IPCEF1: variants seen among roughly 807,000 people sequenced by gnomAD.
IPCEF1 encodes the protein interaction protein for cytohesin exchange factors 1, also known as interactor protein for cytohesin exchange factors 1.
In IPCEF1, 31 loss-of-function variants were observed where a neutral mutation model predicts 50.9. The observed-to-expected ratio is 0.61, with a 90% CI of 0.46 to 0.82. The LOEUF is 0.82. IPCEF1 is among the 40% of genes least tolerant of loss of function. IPCEF1 has a pLI of 0.00. For synonymous variants in IPCEF1, 181 were observed against 192.0 expected, an observed-to-expected ratio of 0.94 and a Z score of 0.47; for missense variants, 458 against 514.0, an observed-to-expected ratio of 0.89 and a Z score of 1.05.
chr6:154,202,248 AT>A (rs1221725513), intron 9 of IPCEF1, among the ~76,000 whole-genome samples: 2 of 152,336 alleles, frequency 1.3e-5, no homozygotes, highest in East Asian at 3.9e-4. Flanking sequence ...TGGCACGTAC[AT>A]AAAAAAAATC....
At chr6:154,196,754 GT>G (rs1384108798) in intron 10 of IPCEF1, among the ~76,000 whole-genome samples, 1 of 152,164 alleles carries the variant, frequency 6.6e-6, no homozygotes, top group Non-Finnish European at 1.5e-5. Context: ...ATTATGCTTT[GT>G]GAAAATAATC....
chr6:154,177,275 A>C (rs1800414225), intron 10 of IPCEF1, among the ~76,000 whole-genome samples: 1 of 152,256 alleles, frequency 6.6e-6, no homozygotes, highest in African/African-American at 2.4e-5. Flanking sequence ...AACAAAAGCC[A>C]AAATTGACAA....
chr6:154,273,805 G>C (rs536814896), intron 2 of IPCEF1, among the ~76,000 whole-genome samples: 5 of 124,034 alleles, frequency 4.0e-5, no homozygotes, highest in Non-Finnish European at 7.9e-5. Flanking sequence ...CCAGGCTGGA[G>C]TGCAGTGGCG....
At chr6:154,173,913 A>G (rs1435251428) in intron 10 of IPCEF1, among the ~76,000 whole-genome samples, 2 of 152,234 alleles carry the variant, frequency 1.3e-5, no homozygotes, top group Non-Finnish European at 2.9e-5. Flanking sequence ...TGTTAAGGGC[A>G]GTCAGAGAGA....
intron 7 of IPCEF1, among the ~76,000 whole-genome samples, chr6:154,218,200 G>C (rs375145303): frequency 6.3e-4 from 96 of 152,314 alleles, no homozygotes; most frequent in African/African-American, 2.3e-3. Context: ...CTGGGAGTTT[G>C]TTGTATATTA....
intron 10 of IPCEF1, among the ~76,000 whole-genome samples, chr6:154,180,047 C>A (rs908060206): frequency 6.6e-6 from 1 of 152,150 alleles, no homozygotes; most frequent in African/African-American, 2.4e-5. Context: ...GAAGAGAAAG[C>A]AACTAGAGTT....
chr6:154,232,049 G>GT (rs1269136068), intron 5 of IPCEF1, among the ~76,000 whole-genome samples: 3 of 152,066 alleles, frequency 2.0e-5, no homozygotes, highest in African/African-American at 4.8e-5. Context: ...GTCTTGGTAG[G>GT]TTTTTTTCCT....
intron 11 of IPCEF1, among the ~76,000 whole-genome samples, chr6:154,160,660 G>A (rs1798935515): frequency 6.6e-6 from 1 of 151,948 alleles, no homozygotes; most frequent in Non-Finnish European, 1.5e-5. Flanking sequence ...GTAACCAATG[G>A]CACACATTTC....
chr6:154,298,329 AC>A (rs1782713443), intron 1 of IPCEF1, among the ~76,000 whole-genome samples: 1 of 152,244 alleles, frequency 6.6e-6, no homozygotes, highest in Admixed American at 6.5e-5. Flanking sequence ...GCTTTCAGAT[AC>A]ACCCCATTTT....
At chr6:154,336,897 C>G (rs9371790) in intron 1 of IPCEF1, among the ~76,000 whole-genome samples, 1 of 152,010 alleles carries the variant, frequency 6.6e-6, no homozygotes, top group Non-Finnish European at 1.5e-5. Context: ...ATCAATCATG[C>G]CTGGCCTAGA....
At chr6:154,354,996 TCA>T (rs56281024) in intron 1 of IPCEF1, among the ~76,000 whole-genome samples, 8,696 of 147,116 alleles carry the variant, frequency 0.059, 337 homozygotes, top group Non-Finnish European at 0.078. Context: ...GGATTTTTCT[TCA>T]CACACACACA....
At chr6:154,254,370 G>T (rs1781409233) in intron 3 of IPCEF1, among the ~76,000 whole-genome samples, 1 of 152,190 alleles carries the variant, frequency 6.6e-6, no homozygotes, top group Non-Finnish European at 1.5e-5. Context: ...AGGAGAAGGG[G>T]TAGAGAGAGA....
At chr6:154,319,854 G>A (rs1174412409) in intron 1 of IPCEF1, among the ~76,000 whole-genome samples, 1 of 152,196 alleles carries the variant, frequency 6.6e-6, no homozygotes, top group African/African-American at 2.4e-5. Flanking sequence ...TTTGGAAAGA[G>A]AGAAAATTCT....
intron 9 of IPCEF1, among the ~76,000 whole-genome samples, chr6:154,200,622 G>T (rs1237833376): frequency 6.6e-6 from 1 of 152,146 alleles, no homozygotes; most frequent in East Asian, 1.9e-4. Flanking sequence ...TCAGGAGACT[G>T]AGGCAGGAGA....
In IPCEF1 at chr6:154,202,382, A is replaced by G. The variant is rs111863540; in HGVS notation, c.538-2342T>C. 3.2e-3 allele frequency among the ~76,000 whole-genome samples: 493 copies of G among 152,304 alleles called. 4 individuals carry two copies. The highest frequency in any genetic ancestry group is 0.011 in the African/African-American group (478 of 41,576). On this transcript the variant is annotated intron_variant, in intron 9 of 11. Coordinates refer to ENST00000367220, the MANE Select transcript of IPCEF1 (RefSeq NM_001130700.2). ...CCTAGTTATCTAGAGGAGGGAATGC[A>G]CTACCCCCAAATTGTCCAAATAAAT... is the stretch of plus-strand genomic sequence containing the variant.
At chr6:154,333,173 G>A (rs745563400) in intron 1 of IPCEF1, among the ~76,000 whole-genome samples, 1 of 152,068 alleles carries the variant, frequency 6.6e-6, no homozygotes. Flanking sequence ...TTTTTGTGAT[G>A]ATTAATACTG....
At chr6:154,282,946 G>T (rs558982483) in intron 2 of IPCEF1, among the ~76,000 whole-genome samples, 30 of 152,238 alleles carry the variant, frequency 2.0e-4, no homozygotes, top group African/African-American at 7.0e-4. Context: ...CCCAAGGAGA[G>T]AGTGGAAAAA....
chr6:154,176,861 G>A (rs1365204523), intron 10 of IPCEF1, among the ~76,000 whole-genome samples: 2 of 152,244 alleles, frequency 1.3e-5, no homozygotes, highest in Admixed American at 6.5e-5. Flanking sequence ...AACAAAGCTG[G>A]AGGCATCATG....
chr6:154,162,562 G>A (rs556210069), intron 11 of IPCEF1, among the ~76,000 whole-genome samples: 1 of 152,264 alleles, frequency 6.6e-6, no homozygotes, highest in East Asian at 1.9e-4. Flanking sequence ...TCATTGTTGT[G>A]CTCCTATGAT....
Sources: allele counts gnomAD v4.1 joint callset (sites outside exome capture counted in the v4.1 genomes callset), GRCh38; gene constraint gnomAD v4.1.1; transcripts MANE v1.5; gene names NCBI Gene and HGNC (gene_info 2026-07-23, HGNC 2026-07-21).